Variants in FHIT observed in about 807,000 individuals in gnomAD.
FHIT encodes the protein fragile histidine triad diadenosine triphosphatase, also known as bis(5'-adenosyl)-triphosphatase.
Under a neutral mutation model 17.9 loss-of-function variants are expected in FHIT, and 19 were observed. The observed-to-expected ratio is 1.06, with a 90% confidence interval of 0.74 to 1.56. The LOEUF is 1.56. Ranked by LOEUF, FHIT falls within the 40% of genes most tolerant of loss-of-function variation. The pLI is 0.00. For synonymous variants in FHIT, 81 were observed against 69.7 expected (o/e 1.16, Z -0.81); for missense variants, 248 against 189.2 (o/e 1.31, Z -1.82).
chr3:60,277,205 A>G (rs1276154221), intron 5 of FHIT, among the ~76,000 whole-genome samples: 1 of 152,164 alleles, frequency 6.6e-6, no homozygotes, highest in Non-Finnish European at 1.5e-5. Context: ...CATTTGCATA[A>G]AAATGTTTTG....
At chr3:60,907,805 C>T (rs1372138028) in intron 3 of FHIT, among the ~76,000 whole-genome samples, 1 of 152,112 alleles carries the variant, frequency 6.6e-6, no homozygotes, top group Non-Finnish European at 1.5e-5. Context: ...ATTTTGAATG[C>T]TCACTGTTGT....
At position 60,126,239 on chromosome 3, in the gene FHIT, G is replaced by T. The variant is rs1242557126; in HGVS notation, c.104-112087C>A. ...CCTCACCTTATCCCTTTGGGCTTGA[G>T]TCTTTAAAACTCCACTGCTTACCAT... On this transcript the variant is annotated intron_variant, in intron 5 of 9. Coordinates refer to ENST00000492590, the MANE Select transcript of FHIT (RefSeq NM_002012.4). 2.2e-4 allele frequency among the ~76,000 whole-genome samples: 34 copies of T among 152,132 alleles called. 1 individual carries two copies.
At chr3:60,448,734 T>C (rs1022253052) in intron 5 of FHIT, among the ~76,000 whole-genome samples, 2 of 152,320 alleles carry the variant, frequency 1.3e-5, no homozygotes, top group Admixed American at 1.3e-4. Context: ...GTGCCTTTCC[T>C]AGCTATTCTT....
At chr3:59,792,707 T>C (rs1252344223) in intron 8 of FHIT, among the ~76,000 whole-genome samples, 1 of 152,176 alleles carries the variant, frequency 6.6e-6, no homozygotes, top group East Asian at 1.9e-4. Context: ...GTGACAACAA[T>C]CATGATAATT....
intron 7 of FHIT, among the ~76,000 whole-genome samples, chr3:59,962,020 C>T (rs1208624734): frequency 6.6e-6 from 1 of 152,114 alleles, no homozygotes; most frequent in African/African-American, 2.4e-5. Context: ...CTCAAGGAAT[C>T]CTCAAAATAC....
At chr3:60,575,634 A>C (rs2037538622) in intron 4 of FHIT, among the ~76,000 whole-genome samples, 1 of 152,220 alleles carries the variant, frequency 6.6e-6, no homozygotes, top group African/African-American at 2.4e-5. Flanking sequence ...AGCAACTGGC[A>C]TCGGAGACAG....
chr3:60,068,065 G>A (rs534785969), intron 5 of FHIT, among the ~76,000 whole-genome samples: 15 of 151,970 alleles, frequency 9.9e-5, no homozygotes, highest in South Asian at 2.1e-4. Context: ...GTGAAACCCC[G>A]TCTCTACTAA....
At chr3:59,776,916 C>A (rs145446284) in intron 8 of FHIT, among the ~76,000 whole-genome samples, 4 of 152,092 alleles carry the variant, frequency 2.6e-5, no homozygotes, top group Non-Finnish European at 1.5e-5. Flanking sequence ...TTCAGAACTC[C>A]GATTCTTAAC....
intron 8 of FHIT, among the ~76,000 whole-genome samples, chr3:59,900,612 G>T (rs553946637): frequency 6.6e-6 from 1 of 151,274 alleles, no homozygotes; most frequent in Admixed American, 6.6e-5. Flanking sequence ...ACATATGTTT[G>T]GTTGTTGTTT....
At chr3:59,840,435 A>T (rs1425571632) in intron 8 of FHIT, among the ~76,000 whole-genome samples, 2 of 151,734 alleles carry the variant, frequency 1.3e-5, no homozygotes, top group African/African-American at 4.8e-5. Context: ...TCAAAATTTC[A>T]ATGAGGAATC....
chr3:60,606,334 G>A (rs557999532), intron 4 of FHIT, among the ~76,000 whole-genome samples: 25 of 151,270 alleles, frequency 1.7e-4, no homozygotes, highest in African/African-American at 5.3e-4. Context: ...TCTGCCTCCC[G>A]GATTCAAGTG....
intron 4 of FHIT, among the ~76,000 whole-genome samples, chr3:60,737,312 T>C (rs929035839): frequency 6.6e-6 from 1 of 152,272 alleles, no homozygotes; most frequent in Non-Finnish European, 1.5e-5. Context: ...ATTAGTATTC[T>C]TCTTTGCATA....
intron 5 of FHIT, among the ~76,000 whole-genome samples, chr3:60,139,640 T>C (rs76044636): frequency 0.054 from 8,155 of 151,988 alleles, 321 homozygotes; most frequent in Non-Finnish European, 0.073. Context: ...GGGTGGGAGG[T>C]CAAGGGAAAG....
At chr3:61,014,020 CA>C (rs1559909738) in intron 3 of FHIT, among the ~76,000 whole-genome samples, 1 of 152,022 alleles carries the variant, frequency 6.6e-6, no homozygotes, top group Admixed American at 6.6e-5. Context: ...AGAGACGGGG[CA>C]AGGAGGGCAG....
At chr3:60,665,045 G>T (rs1469016519) in intron 4 of FHIT, among the ~76,000 whole-genome samples, 5 of 151,814 alleles carry the variant, frequency 3.3e-5, no homozygotes, top group African/African-American at 1.2e-4. Flanking sequence ...TTAGGTTATT[G>T]ATGTGAGGCC....
rs562819032 is a variant in FHIT at position 60,303,222 on chromosome 3, T to C, written c.103+233638A>G. Among the ~76,000 whole-genome samples the C allele has an allele frequency of 3.9e-4, 60 of 152,254 alleles. 2 individuals carry two copies. The South Asian group carries it at 0.012, about 32-fold the overall frequency. On this transcript the variant is annotated intron_variant, in intron 5 of 9. Transcript: ENST00000492590. Reference sequence around the variant, plus strand: ...TCAGAAGAAACTATTTCTTTTCACCTCTAAAATACAATTCACTAAGCATGA... The same window carrying C: ...TCAGAAGAAACTATTTCTTTTCACCCCTAAAATACAATTCACTAAGCATGA...
intron 4 of FHIT, among the ~76,000 whole-genome samples, chr3:60,608,252 C>T (rs2038671738): frequency 6.6e-6 from 1 of 152,192 alleles, no homozygotes; most frequent in Non-Finnish European, 1.5e-5. Context: ...AAGGTAACAT[C>T]CCAGCCTGAG....
chr3:61,082,365 C>T (rs2035166990), intron 2 of FHIT, among the ~76,000 whole-genome samples: 1 of 152,144 alleles, frequency 6.6e-6, no homozygotes, highest in Non-Finnish European at 1.5e-5. Context: ...TTGTATCTGT[C>T]TTCTGCTGTT....
chr3:59,903,822 G>T (rs1233346376), intron 8 of FHIT, among the ~76,000 whole-genome samples: 1 of 152,174 alleles, frequency 6.6e-6, no homozygotes, highest in East Asian at 1.9e-4. Context: ...GAATGCAAGG[G>T]ATAAGTTGAA....
Sources: gnomAD v4.1 joint callset for allele counts (sites outside exome capture counted in the v4.1 genomes callset) on GRCh38, gnomAD v4.1.1 for gene constraint, MANE v1.5 for transcripts, NCBI Gene and HGNC (gene_info 2026-07-23, HGNC 2026-07-21) for gene names.